The following TMEM182 variants were observed in gnomAD, a reference collection of about 807,000 sequenced individuals.
TMEM182 encodes the protein transmembrane protein 182.
Under a neutral mutation model 26.8 loss-of-function variants are expected in TMEM182, and 20 were observed. That is an observed-to-expected ratio of 0.75 (90% CI 0.53 to 1.09). The LOEUF is 1.09. Ranked by LOEUF, TMEM182 falls within the 50% of genes least tolerant of loss-of-function variation. TMEM182 has a pLI of 0.00. For synonymous variants in TMEM182, 109 were observed against 102.2 expected, an observed-to-expected ratio of 1.07 and a Z score of -0.40; for missense variants, 277 against 275.5, an observed-to-expected ratio of 1.01 and a Z score of -0.04.
intron 3 of TMEM182, among the ~76,000 whole-genome samples, chr2:102,822,865 G>A (rs551393444): frequency 2.0e-5 from 3 of 152,198 alleles, no homozygotes; most frequent in East Asian, 1.9e-4. Context: ...AAAGCACTCA[G>A]TACATTCAAT....
At position 102,843,140 on chromosome 2, in the gene TMEM182, G is replaced by A. The variant is rs964902828; in HGVS notation, c.326-272G>A. Among the ~76,000 whole-genome samples the A allele has an allele frequency of 1.1e-4, 16 of 152,224 alleles. No homozygotes were observed. The South Asian group carries it at 2.5e-3, about 24-fold the overall frequency. On this transcript the variant is annotated intron_variant, in intron 3 of 3. Coordinates refer to the TMEM182 transcript ENST00000486293. ...CCCCGATGTGTGCCAGGGTTTGTGC[G>A]TCCTGAGCCTTGGCTGCTGAGATCC... is the stretch of plus-strand genomic sequence containing the variant.
chr2:102,764,413 A>G lies in TMEM182; in HGVS notation c.317A>G (p.Tyr106Cys), dbSNP rs1447835138. The G allele has an allele frequency of 6.2e-7, 1 of 1,613,834 alleles. No homozygotes were observed. Among genetic ancestry groups the G allele is most frequent in the Non-Finnish European group, 8.5e-7 (1 of 1,179,832 alleles). The stretch of plus-strand genomic sequence containing the variant: ...AGAGGCGAGCACAACTCGACCTCCT[A>G]TGACTCTGCAGTTAGTAAGTACCCT... ...FMRGEHNSTS[Y>C]DSAVIYRGFW... The change falls in exon 3 of 5, where the codon TAT becomes TGT. Residue 106 changes from tyrosine to cysteine, a missense_variant. Coordinates refer to ENST00000412401, the MANE Select transcript of TMEM182 (RefSeq NM_144632.5).
At chr2:102,737,499 A>G (rs1679389187) in intron 1 of TMEM182, among the ~76,000 whole-genome samples, 1 of 152,266 alleles carries the variant, frequency 6.6e-6, no homozygotes, top group South Asian at 2.1e-4. Flanking sequence ...ATAAAGAAGC[A>G]CGGTCTTGAT....
rs566605186 is a variant in TMEM182 at position 102,754,056 on chromosome 2, T to C, written c.-82-4333T>C. On this transcript the variant is annotated intron_variant, in intron 1 of 5. Transcript: ENST00000409173. ...GTAATACAAAACTAATATTAAAGGG[T>C]CAGTAGAATCACAGAGACATGCGGC... Among the ~76,000 whole-genome samples, 3 of 152,188 alleles carry C rather than the reference T, an allele frequency of 2.0e-5. No homozygotes were observed. In the East Asian group the frequency reaches 5.8e-4, roughly 29 times the overall value.
chr2:102,765,913 A>G (rs778632351), intron 3 of TMEM182, among the ~76,000 whole-genome samples: 16 of 152,218 alleles, frequency 1.1e-4, no homozygotes, highest in Non-Finnish European at 2.1e-4. Context: ...ACTTAGAAGT[A>G]TACAAGCCTA....
Position 102,754,078 on chromosome 2 carries a change from C to T in TMEM182, c.-82-4311C>T, listed in dbSNP as rs895920945. 1.1e-4 allele frequency among the ~76,000 whole-genome samples: 17 copies of T among 152,204 alleles called. No individual in the cohort carries two copies. In the East Asian group the frequency reaches 1.4e-3, roughly 12 times the overall value. On this transcript the variant is annotated intron_variant, in intron 1 of 5. Transcript: ENST00000409173. ...GGGTCAGTAGAATCACAGAGACATGCGGCTCATAGGCAGTAAAAATCTGTT... is the reference window on the plus strand; with the variant it reads ...GGGTCAGTAGAATCACAGAGACATGTGGCTCATAGGCAGTAAAAATCTGTT...
chr2:102,837,287 A>G (rs1303216369), intron 3 of TMEM182, among the ~76,000 whole-genome samples: 3 of 152,184 alleles, frequency 2.0e-5, no homozygotes, highest in Non-Finnish European at 4.4e-5. Flanking sequence ...AAAGTCAAGA[A>G]TTATAAAGTT....
intron 3 of TMEM182, among the ~76,000 whole-genome samples, chr2:102,842,906 C>A (rs984964092): frequency 6.6e-6 from 1 of 152,178 alleles, no homozygotes; most frequent in Non-Finnish European, 1.5e-5. Flanking sequence ...GCCATTGCCC[C>A]TTCCAGGGAT....
At chr2:102,739,036 A>C (rs1217303505) in intron 1 of TMEM182, among the ~76,000 whole-genome samples, 1 of 152,208 alleles carries the variant, frequency 6.6e-6, no homozygotes, top group Non-Finnish European at 1.5e-5. Context: ...TGAGAGATGC[A>C]CTTGCAGTTT....
At chr2:102,757,455 T>C (rs992321814), upstream of TMEM182, 4 of 152,184 alleles carry the variant, frequency 2.6e-5, no homozygotes, top group Non-Finnish European at 5.9e-5. Flanking sequence ...CTTCAGAAGA[T>C]GAAATTCCTG....
At chr2:102,781,905 C>G (rs973360757) in intron 3 of TMEM182, among the ~76,000 whole-genome samples, 1 of 152,140 alleles carries the variant, frequency 6.6e-6, no homozygotes, top group Non-Finnish European at 1.5e-5. Flanking sequence ...GAATTTGATC[C>G]AGTGAAATTA....
chr2:102,779,290 T>C (rs1233902677), intron 3 of TMEM182, among the ~76,000 whole-genome samples: 1 of 152,182 alleles, frequency 6.6e-6, no homozygotes, highest in Middle Eastern at 3.2e-3. Context: ...AATTATCACA[T>C]GTTTTGGTGT....
chr2:102,793,791 C>T (rs187067252), intron 3 of TMEM182, among the ~76,000 whole-genome samples: 13 of 151,810 alleles, frequency 8.6e-5, no homozygotes. Flanking sequence ...TGGTTGAATC[C>T]ACAGATGCAA....
intron 3 of TMEM182, among the ~76,000 whole-genome samples, chr2:102,836,878 C>G (rs954467122): frequency 6.6e-6 from 1 of 152,228 alleles, no homozygotes; most frequent in African/African-American, 2.4e-5. Flanking sequence ...TACTGGGAAT[C>G]CTGATGGCTA....
At chr2:102,774,423 T>A (rs146174461) in intron 3 of TMEM182, among the ~76,000 whole-genome samples, 15,005 of 143,104 alleles carry the variant, frequency 0.1, 1,031 homozygotes, top group Middle Eastern at 0.17. Flanking sequence ...GCCTGGCTAA[T>A]TTTTTTTTTT....
intron 3 of TMEM182, among the ~76,000 whole-genome samples, chr2:102,784,872 C>G (rs1414249522): frequency 6.6e-6 from 1 of 152,108 alleles, no homozygotes; most frequent in African/African-American, 2.4e-5. Flanking sequence ...GGGTTTTTGC[C>G]AGCTTCTTTA....
At chr2:102,829,922 A>G (rs1460486404) in intron 3 of TMEM182, among the ~76,000 whole-genome samples, 2 of 152,200 alleles carry the variant, frequency 1.3e-5, no homozygotes, top group African/African-American at 4.8e-5. Context: ...ACAGAAAAGG[A>G]AAATTTAGGA....
intron 3 of TMEM182, chr2:102,775,578 A>G (rs1207093425): frequency 6.6e-6 from 1 of 152,220 alleles, no homozygotes; most frequent in Non-Finnish European, 1.5e-5. Context: ...GTATTCAGTT[A>G]GGAAAAGAGG....
Position 102,838,001 on chromosome 2 carries a change from G to C in TMEM182, c.326-5411G>C, listed in dbSNP as rs527906419. 3.3e-5 allele frequency among the ~76,000 whole-genome samples: 5 copies of C among 152,296 alleles called. No individual in the cohort carries two copies. The East Asian group carries it at 9.6e-4, about 29-fold the overall frequency. On this transcript the variant is annotated intron_variant, in intron 3 of 3. Coordinates refer to the TMEM182 transcript ENST00000486293. ...AGCAAAGCACTAAACAAAGTGCAGG[G>C]CCCTTCTCAGCGCCAGGCCCTGTGT...
Sources: gnomAD v4.1 joint callset for allele counts (sites outside exome capture counted in the v4.1 genomes callset) on GRCh38, gnomAD v4.1.1 for gene constraint, MANE v1.5 for transcripts, NCBI Gene and HGNC (gene_info 2026-07-23, HGNC 2026-07-21) for gene names.